PCCA: variants seen among roughly 807,000 people sequenced by gnomAD.
The protein encoded by PCCA is propionyl-CoA carboxylase subunit alpha.
A neutral mutation model predicts 101.3 loss-of-function variants in PCCA; 74 were observed. The ratio of observed to expected loss-of-function variants is 0.73; its 90% confidence interval spans 0.61 to 0.89. The LOEUF (loss-of-function observed/expected upper bound fraction) is 0.89, where lower values mean the gene tolerates loss of function less well. PCCA is among the 40% of genes least tolerant of loss of function. The probability of loss-of-function intolerance (pLI) is 0.00; values close to 1 mark genes in which losing one functional copy is unlikely to be tolerated. For synonymous variants in PCCA, 294 were observed against 313.6 expected (o/e 0.94, Z 0.66); for missense variants, 891 against 907.0 (o/e 0.98, Z 0.23).
intron 21 of PCCA, among the ~76,000 whole-genome samples, chr13:100,503,491 C>T (rs1011300086): frequency 6.6e-6 from 1 of 151,510 alleles, no homozygotes; most frequent in Non-Finnish European, 1.5e-5. Flanking sequence ...ACTCCATCCC[C>T]CCCCAAAAAA....
intron 21 of PCCA, among the ~76,000 whole-genome samples, chr13:100,450,067 T>C (rs1398827268): frequency 6.6e-6 from 1 of 152,204 alleles, no homozygotes; most frequent in East Asian, 1.9e-4. Context: ...GTTACTATAA[T>C]TTTCAAACTA....
chr13:100,279,244 G>T (rs17474996), intron 12 of PCCA, among the ~76,000 whole-genome samples: 76,998 of 151,990 alleles, frequency 0.51, 19,821 homozygotes, highest in African/African-American at 0.59. Flanking sequence ...TGTCTCCCAT[G>T]TAGTGTTTAA....
At position 100,264,151 on chromosome 13, in the gene PCCA, ATATATATGGTATCTGTATATCG is replaced by A. The variant is rs2062764481; in HGVS notation, c.819+1329_819+1350del. On this transcript the variant is annotated intron_variant, in intron 10 of 23. Transcript: ENST00000376285. ...TATATATATGGTATCTGTATATCGT[ATATATATGGTATCTGTATATCG>A]TATATATGTGATATCTGTATATCAT... Among the ~76,000 whole-genome samples, 3 of 117,702 alleles carry A rather than the reference ATATATATGGTATCTGTATATCG, an allele frequency of 2.5e-5. 1 individual carries two copies. Among genetic ancestry groups the A allele is most frequent in the Admixed American group, 9.0e-5 (1 of 11,088 alleles). 77.2% of individuals were successfully genotyped at this position (117,702 alleles called of 152,430 possible). A position where few individuals can be genotyped will look rare whatever the true frequency, so the allele number is the denominator to read the frequency against.
intron 21 of PCCA, among the ~76,000 whole-genome samples, chr13:100,451,308 T>C (rs1317212641): frequency 6.6e-6 from 1 of 152,214 alleles, no homozygotes; most frequent in Non-Finnish European, 1.5e-5. Context: ...AAATTAACCA[T>C]CACAGAAGTA....
At chr13:100,400,273 C>T (rs529487208) in intron 19 of PCCA, among the ~76,000 whole-genome samples, 18 of 152,178 alleles carry the variant, frequency 1.2e-4, no homozygotes, top group Non-Finnish European at 2.6e-4. Flanking sequence ...GGTGACTTCA[C>T]CCTCTGCTGT....
At chr13:100,350,367 A>G (rs545216799) in intron 18 of PCCA, among the ~76,000 whole-genome samples, 2 of 152,326 alleles carry the variant, frequency 1.3e-5, no homozygotes, top group African/African-American at 4.8e-5. Flanking sequence ...CTTTAAGTAT[A>G]TATTTACAAA....
At chr13:100,462,862 G>A (rs1213954811) in intron 21 of PCCA, among the ~76,000 whole-genome samples, 5 of 152,166 alleles carry the variant, frequency 3.3e-5, no homozygotes, top group Non-Finnish European at 7.4e-5. Flanking sequence ...ACTGATTACC[G>A]TGATAAGAAC....
intron 12 of PCCA, among the ~76,000 whole-genome samples, chr13:100,291,371 G>A (rs1199389316): frequency 6.6e-6 from 1 of 152,230 alleles, no homozygotes; most frequent in Non-Finnish European, 1.5e-5. Context: ...GTAGAGTTTA[G>A]TATTCACAGG....
chr13:100,239,785 C>T (rs2061010027), intron 8 of PCCA, among the ~76,000 whole-genome samples: 1 of 152,066 alleles, frequency 6.6e-6, no homozygotes, highest in Non-Finnish European at 1.5e-5. Flanking sequence ...GATTCTTTTC[C>T]TTTGCTTGTC....
chr13:100,251,712 G>A (rs1233251887), intron 8 of PCCA, among the ~76,000 whole-genome samples: 1 of 152,114 alleles, frequency 6.6e-6, no homozygotes, highest in Non-Finnish European at 1.5e-5. Context: ...GAAATTTAAT[G>A]GATGCCATCT....
chr13:100,356,413 A>G lies in PCCA; in HGVS notation c.1644-12059A>G, dbSNP rs1026151453. ...GGAATTCTTACAACTTAATAATAGG[A>G]CAAATGATCCAGTTAAAAGATAGGC... On this transcript the variant is annotated intron_variant, in intron 18 of 23. Coordinates refer to ENST00000376285, the MANE Select transcript of PCCA (RefSeq NM_000282.4). 4.6e-5 allele frequency among the ~76,000 whole-genome samples: 7 copies of G among 152,274 alleles called. No individual in the cohort carries two copies. In the East Asian group the frequency reaches 1.3e-3, roughly 29 times the overall value.
intron 18 of PCCA, among the ~76,000 whole-genome samples, chr13:100,364,888 C>T (rs1456160508): frequency 1.3e-5 from 2 of 151,986 alleles, no homozygotes; most frequent in Non-Finnish European, 2.9e-5. Context: ...CACCCCATCT[C>T]TTAAAAAAAA....
At chr13:100,221,874 A>C (rs147375910) in intron 7 of PCCA, among the ~76,000 whole-genome samples, 1 of 149,338 alleles carries the variant, frequency 6.7e-6, no homozygotes, top group East Asian at 2.0e-4. Flanking sequence ...AGTAATTGGG[A>C]TTACAGACAT....
intron 12 of PCCA, among the ~76,000 whole-genome samples, chr13:100,275,381 T>C (rs1481229049): frequency 6.6e-6 from 1 of 152,182 alleles, no homozygotes; most frequent in Non-Finnish European, 1.5e-5. Context: ...GTGGCCCTGC[T>C]GCTCCCCAGC....
At chr13:100,509,198 A>G in intron 21 of PCCA, among the ~76,000 whole-genome samples, 1 of 152,228 alleles carries the variant, frequency 6.6e-6, no homozygotes, top group East Asian at 1.9e-4. Context: ...GTAGACGGAT[A>G]TGTTAACTGT....
intron 19 of PCCA, among the ~76,000 whole-genome samples, chr13:100,422,346 C>A (rs1367504423): frequency 6.6e-6 from 1 of 151,692 alleles, no homozygotes; most frequent in Non-Finnish European, 1.5e-5. Flanking sequence ...CTTTGTTGCC[C>A]AGGCTGGTTT....
At chr13:100,432,238 T>C (rs1208684957) in intron 20 of PCCA, among the ~76,000 whole-genome samples, 2 of 152,216 alleles carry the variant, frequency 1.3e-5, no homozygotes, top group African/African-American at 2.4e-5. Flanking sequence ...CTTCCCTTAC[T>C]ACCTTGCCAC....
At chr13:100,371,014 A>G (rs555464239) in intron 19 of PCCA, among the ~76,000 whole-genome samples, 1 of 152,326 alleles carries the variant, frequency 6.6e-6, no homozygotes, top group South Asian at 2.1e-4. Flanking sequence ...AGTTTAAATT[A>G]TAAGATATTT....
chr13:100,474,635 G>A (rs751308705), intron 21 of PCCA, among the ~76,000 whole-genome samples: 8 of 152,018 alleles, frequency 5.3e-5, no homozygotes, highest in South Asian at 2.1e-4. Flanking sequence ...ACAGGAATGC[G>A]CCACCATGCC....
Sources: allele counts gnomAD v4.1 joint callset (sites outside exome capture counted in the v4.1 genomes callset), GRCh38; gene constraint gnomAD v4.1.1; transcripts MANE v1.5; gene names NCBI Gene and HGNC (gene_info 2026-07-23, HGNC 2026-07-21).